The following UPRT variants were observed in gnomAD, a reference collection of about 807,000 sequenced individuals.
The protein encoded by UPRT is uracil phosphoribosyltransferase homolog.
In UPRT, 5 loss-of-function variants were observed where a neutral mutation model predicts 22.6. The observed-to-expected ratio is 0.22, with a 90% CI of 0.12 to 0.47. The LOEUF (loss-of-function observed/expected upper bound fraction) is 0.47, where lower values mean the gene tolerates loss of function less well. Ranked by LOEUF, UPRT falls within the 20% of genes least tolerant of loss-of-function variation. The pLI, the probability that UPRT is intolerant of heterozygous loss-of-function variation, is 0.99. For missense variants in UPRT, 181 were observed against 239.9 expected, an observed-to-expected ratio of 0.75 and a Z score of 1.62; for synonymous variants, 77 against 87.7, an observed-to-expected ratio of 0.88 and a Z score of 0.68.
At chrX:75,282,427 T>G (rs937087581) in intron 1 of UPRT, among the ~76,000 whole-genome samples, 1 of 110,959 alleles carries the variant, frequency 9.0e-6, no homozygotes, top group African/African-American at 3.3e-5. Context: ...TAGCACTGCC[T>G]TTGCTGTATG....
chrX:75,194,799 C>T (rs1305450395), intron 4 of UPRT, among the ~76,000 whole-genome samples: 1 of 111,056 alleles, frequency 9.0e-6, no homozygotes, highest in Non-Finnish European at 1.9e-5. Flanking sequence ...CCAGAGTCCT[C>T]TTTGTGCACG....
intron 1 of UPRT, among the ~76,000 whole-genome samples, chrX:75,280,251 T>C (rs1262699586): frequency 7.2e-5 from 8 of 111,636 alleles, no homozygotes; most frequent in Non-Finnish European, 1.5e-4. Context: ...GCTGACTGTT[T>C]CTTTTGCTGT....
chrX:75,264,799 G>T (rs1168990044), intron 4 of UPRT, among the ~76,000 whole-genome samples: 1 of 111,801 alleles, frequency 8.9e-6, no homozygotes, highest in Admixed American at 9.6e-5. Flanking sequence ...GGTCTCTACA[G>T]TTTGGCATGT....
At chrX:75,179,479 C>T (rs767482737) in intron 4 of UPRT, among the ~76,000 whole-genome samples, 13 of 113,554 alleles carry the variant, frequency 1.1e-4, no homozygotes, top group African/African-American at 4.1e-4. Context: ...ACCAGGGCTG[C>T]AGGAGCTGCC....
At chrX:75,251,596 A>G (rs1034823875) in intron 4 of UPRT, among the ~76,000 whole-genome samples, 4 of 111,929 alleles carry the variant, frequency 3.6e-5, no homozygotes, top group Non-Finnish European at 5.6e-5. Context: ...TTCCATGCTC[A>G]TGGGTAGGAA....
At chrX:75,264,654 C>G (rs1251303326) in intron 4 of UPRT, among the ~76,000 whole-genome samples, 3 of 111,513 alleles carry the variant, frequency 2.7e-5, no homozygotes, top group African/African-American at 9.8e-5. Context: ...ATTTTCCAGT[C>G]TGTGTCTTTT....
At chrX:75,219,050 T>G (rs1051284484) in intron 4 of UPRT, among the ~76,000 whole-genome samples, 1 of 110,770 alleles carries the variant, frequency 9.0e-6, no homozygotes, top group Non-Finnish European at 1.9e-5. Flanking sequence ...ATAATAAAAT[T>G]TAAAAAAAAA....
In UPRT at chrX:75,231,518, A is replaced by T. The variant is rs192187811; in HGVS notation, c.-446-59506A>T. ...AAAGAGAAATCTAAAAGTTTGGAAA[A>T]CTTATTTGAGAGAATAATCAAGAAA... On this transcript the variant is annotated intron_variant, in intron 4 of 13. Coordinates refer to the UPRT transcript ENST00000652605. Among the ~76,000 whole-genome samples the T allele has an allele frequency of 3.4e-3, 377 of 112,275 alleles. 2 individuals are homozygous for T. Among genetic ancestry groups the T allele is most frequent in the African/African-American group, 0.012 (360 of 30,971 alleles).
At chrX:75,180,681 GTTTTTTTTTTTTTGTTTTTTT>G (rs1451336369) in intron 4 of UPRT, among the ~76,000 whole-genome samples, 1 of 43,905 alleles carries the variant, frequency 2.3e-5, no homozygotes, top group Non-Finnish European at 3.8e-5. Flanking sequence ...CCTTTTCTCT[GTTTTTTTTTTTTTGTTTTTTT>G]TTTTTTTTTT....
At chrX:75,167,794 T>C (rs1243989811) in intron 3 of UPRT, among the ~76,000 whole-genome samples, 1 of 110,752 alleles carries the variant, frequency 9.0e-6, no homozygotes, top group East Asian at 2.8e-4. Context: ...TACTTTTAAT[T>C]TGTGATTGCA....
At chrX:75,251,622 A>G (rs1442073052) in intron 4 of UPRT, among the ~76,000 whole-genome samples, 1 of 111,979 alleles carries the variant, frequency 8.9e-6, no homozygotes, top group Non-Finnish European at 1.9e-5. Context: ...AATGTCGTGA[A>G]AATGGCCATA....
chrX:75,273,423 A>G (rs1296384447), upstream of UPRT, among the ~76,000 whole-genome samples: 1 of 111,652 alleles, frequency 9.0e-6, no homozygotes, highest in Non-Finnish European at 1.9e-5. Flanking sequence ...AACAAGCTCT[A>G]CAATTATTGT....
chrX:75,212,867 T>C (rs1009454802), intron 4 of UPRT, among the ~76,000 whole-genome samples: 4 of 112,136 alleles, frequency 3.6e-5, no homozygotes, highest in Non-Finnish European at 7.5e-5. Context: ...GGTTGTTAGG[T>C]GCAGCAAACC....
At chrX:75,217,776 A>G (rs1298895901) in intron 4 of UPRT, among the ~76,000 whole-genome samples, 1 of 112,506 alleles carries the variant, frequency 8.9e-6, no homozygotes, top group African/African-American at 3.2e-5. Context: ...GACAAAAACA[A>G]GCAATGGGGA....
chrX:75,277,712 C>T (rs1378759613), intron 1 of UPRT, among the ~76,000 whole-genome samples: 1 of 111,479 alleles, frequency 9.0e-6, no homozygotes, highest in Non-Finnish European at 1.9e-5. Context: ...GAATTTAACT[C>T]TATGTGGAAT....
At chrX:75,277,782 G>GGA (rs2082637492) in intron 1 of UPRT, among the ~76,000 whole-genome samples, 2 of 111,593 alleles carry the variant, frequency 1.8e-5, no homozygotes, top group Non-Finnish European at 3.8e-5. Flanking sequence ...ATCTTGTTTT[G>GGA]ATATAGTATG....
At chrX:75,192,471 T>C (rs2082319002) in intron 4 of UPRT, among the ~76,000 whole-genome samples, 1 of 111,707 alleles carries the variant, frequency 9.0e-6, no homozygotes, top group Non-Finnish European at 1.9e-5. Context: ...ACATGTCTAT[T>C]AGGTCTATTT....
intron 4 of UPRT, among the ~76,000 whole-genome samples, chrX:75,254,799 C>T (rs758658648): frequency 1.1e-4 from 10 of 90,146 alleles, no homozygotes; most frequent in East Asian, 3.5e-4. Flanking sequence ...GACGGAGTCT[C>T]GCTCTGTCGC....
At chrX:75,240,279 AG>A (rs1220090341) in intron 4 of UPRT, among the ~76,000 whole-genome samples, 57 of 111,330 alleles carry the variant, frequency 5.1e-4, no homozygotes, top group African/African-American at 1.8e-3. Context: ...CACTCAAATC[AG>A]TAGCACTGCT....
Sources: gnomAD v4.1 joint callset for allele counts (sites outside exome capture counted in the v4.1 genomes callset) on GRCh38, gnomAD v4.1.1 for gene constraint, MANE v1.5 for transcripts, NCBI Gene and HGNC (gene_info 2026-07-23, HGNC 2026-07-21) for gene names.